Variants in SGCZ observed in about 807,000 individuals in gnomAD.
The protein encoded by SGCZ is sarcoglycan zeta.
SGCZ carries 40 observed loss-of-function variants against 41.3 expected under a neutral mutation model. The observed-to-expected ratio is 0.97, with a 90% CI of 0.75 to 1.26. The LOEUF (loss-of-function observed/expected upper bound fraction) is 1.26, where lower values mean the gene tolerates loss of function less well. Among genes scored for constraint, SGCZ ranks in the 50% most tolerant of loss-of-function variants. SGCZ has a pLI of 0.00. For missense variants in SGCZ, 552 were observed against 369.8 expected (o/e 1.49, Z -4.04); for synonymous variants, 206 against 137.5 (o/e 1.50, Z -3.49).
Position 14,660,593 on chromosome 8 carries a change from G to T in SGCZ, c.40-105667C>A, listed in dbSNP as rs780404704. 3.3e-3 allele frequency among the ~76,000 whole-genome samples: 419 copies of T among 126,972 alleles called. 1 individual carries two copies. Among genetic ancestry groups the T allele is most frequent in the Non-Finnish European group, 4.7e-3 (294 of 62,174 alleles). The allele number at this position is 126,972 out of a possible 152,430, so 83.3% of individuals were successfully genotyped here. On this transcript the variant is annotated intron_variant, in intron 1 of 7. Transcript: ENST00000382080. ...TCTCAAAAAAAAAAAAAAAAAAAGA[G>T]AGAAAAGAAAAATAGCTGCAGTAAG...
Position 14,494,141 on chromosome 8 carries a change from T to C in SGCZ, c.234+60591A>G, listed in dbSNP as rs566528365. Among the ~76,000 whole-genome samples the C allele has an allele frequency of 4.6e-5, 7 of 152,022 alleles. No individual in the cohort carries two copies. The South Asian group carries it at 1.2e-3, about 27-fold the overall frequency. On this transcript the variant is annotated intron_variant, in intron 2 of 7. Coordinates refer to ENST00000382080, the MANE Select transcript of SGCZ (RefSeq NM_139167.4). ...TTATCCTCCCAACTCACTGTTTCTA[T>C]GAAAAAAGTAATTAATCTGATAAAC... is the stretch of plus-strand genomic sequence containing the variant.
chr8:14,724,894 T>G (rs1406752486), intron 1 of SGCZ, among the ~76,000 whole-genome samples: 2 of 152,162 alleles, frequency 1.3e-5, no homozygotes, highest in Non-Finnish European at 2.9e-5. Flanking sequence ...TGCAATAAAT[T>G]ATTGTCAACC....
intron 1 of SGCZ, among the ~76,000 whole-genome samples, chr8:14,967,335 G>C (rs1054529435): frequency 6.6e-6 from 1 of 152,064 alleles, no homozygotes; most frequent in Non-Finnish European, 1.5e-5. Context: ...TCCATCTCTG[G>C]TCTAACTGCC....
At chr8:15,106,864 A>G (rs1806845303) in intron 1 of SGCZ, among the ~76,000 whole-genome samples, 1 of 152,104 alleles carries the variant, frequency 6.6e-6, no homozygotes, top group Admixed American at 6.6e-5. Flanking sequence ...TGGAGTCTGT[A>G]TCACAGGAAG....
At chr8:14,151,443 AACT>A (rs201488713) in intron 5 of SGCZ, among the ~76,000 whole-genome samples, 2,479 of 148,082 alleles carry the variant, frequency 0.017, 35 homozygotes, top group Non-Finnish European at 0.026. Flanking sequence ...ACCAAAAAAA[AACT>A]AAGTAAGTGA....
At chr8:14,306,670 T>C (rs189678254) in intron 3 of SGCZ, among the ~76,000 whole-genome samples, 2 of 149,926 alleles carry the variant, frequency 1.3e-5, no homozygotes, top group Admixed American at 1.3e-4. Flanking sequence ...CACTGTGTCA[T>C]ATAGACACTG....
chr8:14,573,514 A>G (rs928464803), intron 1 of SGCZ, among the ~76,000 whole-genome samples: 3 of 152,140 alleles, frequency 2.0e-5, no homozygotes, highest in Admixed American at 1.3e-4. Flanking sequence ...TCTATTAAAC[A>G]CATTACCAAT....
chr8:14,491,628 C>T (rs17119404), intron 2 of SGCZ, among the ~76,000 whole-genome samples: 70,780 of 151,738 alleles, frequency 0.47, 17,170 homozygotes, highest in East Asian at 0.66. Flanking sequence ...TTAATGTTTG[C>T]TTGCTTGTAG....
intron 2 of SGCZ, among the ~76,000 whole-genome samples, chr8:14,365,035 C>T (rs1234790100): frequency 6.6e-6 from 1 of 151,956 alleles, no homozygotes; most frequent in Non-Finnish European, 1.5e-5. Context: ...GTAAAATGTA[C>T]ATATATAATG....
intron 1 of SGCZ, among the ~76,000 whole-genome samples, chr8:14,593,078 T>G (rs1429618903): frequency 6.6e-6 from 1 of 152,114 alleles, no homozygotes; most frequent in Non-Finnish European, 1.5e-5. Flanking sequence ...AGGTGAATAA[T>G]GCACCTCCTC....
intron 2 of SGCZ, among the ~76,000 whole-genome samples, chr8:14,368,276 T>G (rs1403168163): frequency 6.6e-6 from 1 of 152,086 alleles, no homozygotes; most frequent in Non-Finnish European, 1.5e-5. Context: ...CTAACTGCAT[T>G]TCATTAATCT....
chr8:14,620,542 T>C lies in SGCZ; in HGVS notation c.40-65616A>G, dbSNP rs186935178. On this transcript the variant is annotated intron_variant, in intron 1 of 7. Transcript: ENST00000382080. Reference sequence around the variant, plus strand: ...AGAAAATTTTTGCAACCTACTTATCTGACAAAGGGCTAATATCCAGAATCT... The same window carrying C: ...AGAAAATTTTTGCAACCTACTTATCCGACAAAGGGCTAATATCCAGAATCT... 4.7e-3 allele frequency among the ~76,000 whole-genome samples: 711 copies of C among 152,150 alleles called. 3 individuals are homozygous for C. The highest frequency in any genetic ancestry group is 0.016 in the African/African-American group (666 of 41,504).
At chr8:14,878,255 C>G (rs1393422880) in intron 1 of SGCZ, among the ~76,000 whole-genome samples, 1 of 150,798 alleles carries the variant, frequency 6.6e-6, no homozygotes, top group East Asian at 1.9e-4. Flanking sequence ...CAATTCGACA[C>G]TTACTATTCA....
At position 14,373,958 on chromosome 8, in the gene SGCZ, G is replaced by A. The variant is rs143504572; in HGVS notation, c.235-49754C>T. Among the ~76,000 whole-genome samples the A allele has an allele frequency of 6.4e-3, 971 of 152,106 alleles. 3 individuals are homozygous for A. Among genetic ancestry groups the A allele is most frequent in the Non-Finnish European group, 0.01 (680 of 67,986 alleles). On this transcript the variant is annotated intron_variant, in intron 2 of 7. Coordinates refer to ENST00000382080, the MANE Select transcript of SGCZ (RefSeq NM_139167.4). ...CCTATGTAACAAACCTACACATCCT[G>A]CACATGTGCCCCGGAACTTAAAATA... is the stretch of plus-strand genomic sequence containing the variant.
At chr8:15,124,471 T>C (rs1488312089) in intron 1 of SGCZ, among the ~76,000 whole-genome samples, 2 of 152,186 alleles carry the variant, frequency 1.3e-5, no homozygotes, top group Non-Finnish European at 2.9e-5. Context: ...AGATAGATCA[T>C]GTTTGCAAGG....
At chr8:14,158,893 C>T (rs1052485176) in intron 5 of SGCZ, among the ~76,000 whole-genome samples, 5 of 151,982 alleles carry the variant, frequency 3.3e-5, no homozygotes, top group African/African-American at 9.7e-5. Context: ...CTCAGCCTCT[C>T]GAGTAGCTGG....
chr8:14,996,276 C>G (rs1024487786), intron 1 of SGCZ, among the ~76,000 whole-genome samples: 3 of 152,174 alleles, frequency 2.0e-5, no homozygotes, highest in African/African-American at 7.2e-5. Context: ...TTCTGAACCG[C>G]ATGAAACCAT....
chr8:14,355,645 C>T (rs28408902), intron 2 of SGCZ, among the ~76,000 whole-genome samples: 1 of 151,802 alleles, frequency 6.6e-6, no homozygotes, highest in African/African-American at 2.4e-5. Flanking sequence ...ACACCAAGTA[C>T]TGTAAAACCT....
In SGCZ at chr8:14,879,817, G is replaced by A. The variant is rs578120046; in HGVS notation, c.40-324891C>T. 4.0e-5 allele frequency: 6 copies of A among 151,710 alleles called. No individual in the cohort carries two copies. In the East Asian group the frequency reaches 7.8e-4, roughly 20 times the overall value. 9.4% of individuals were successfully genotyped at this position (151,710 alleles called of 1,614,324 possible). A position where few individuals can be genotyped will look rare whatever the true frequency, so the allele number is the denominator to read the frequency against. On this transcript the variant is annotated intron_variant, in intron 1 of 7. Transcript: ENST00000382080. The stretch of plus-strand genomic sequence containing the variant: ...TTGTAGATTAAAAAAAAAAAAAGTT[G>A]GGTTTTTGTTTTTAGGTTTTTTTTG...
Sources: gnomAD v4.1 joint callset for allele counts (sites outside exome capture counted in the v4.1 genomes callset) on GRCh38, gnomAD v4.1.1 for gene constraint, MANE v1.5 for transcripts, NCBI Gene and HGNC (gene_info 2026-07-23, HGNC 2026-07-21) for gene names.